PAH: variants seen among roughly 807,000 people sequenced by gnomAD.
PAH encodes the protein phenylalanine-4-hydroxylase.
In PAH, 64 loss-of-function variants were observed where a neutral mutation model predicts 62.0. The observed-to-expected ratio is 1.03, with a 90% confidence interval of 0.84 to 1.27. PAH has a LOEUF of 1.27. Among genes scored for constraint, PAH ranks in the 50% most tolerant of loss-of-function variants. PAH has a pLI of 0.00. For missense variants in PAH, 579 were observed against 542.8 expected, an observed-to-expected ratio of 1.07 and a Z score of -0.66; for synonymous variants, 195 against 196.2, an observed-to-expected ratio of 0.99 and a Z score of 0.05.
At chr12:102,951,568 G>C (rs534439788), upstream of PAH, among the ~76,000 whole-genome samples, 1 of 152,184 alleles carries the variant, frequency 6.6e-6, no homozygotes, top group African/African-American at 2.4e-5. Context: ...GGGCTGAGTA[G>C]CATGTTGGGT....
chr12:102,878,388 G>A (rs1252929156), intron 3 of PAH, among the ~76,000 whole-genome samples: 1 of 152,136 alleles, frequency 6.6e-6, no homozygotes, highest in East Asian at 1.9e-4. Context: ...CCAGTGTAGT[G>A]GGGAAGGGGT....
At chr12:102,951,306 G>T (rs1322022528), upstream of PAH, among the ~76,000 whole-genome samples, 1 of 152,196 alleles carries the variant, frequency 6.6e-6, no homozygotes, top group Non-Finnish European at 1.5e-5. Context: ...CTACCAGGGA[G>T]ACTCCTTACG....
At chr12:102,913,501 A>G (rs778424705) in intron 1 of PAH, among the ~76,000 whole-genome samples, 12 of 152,214 alleles carry the variant, frequency 7.9e-5, no homozygotes, top group Non-Finnish European at 1.3e-4. Flanking sequence ...CATCCGTGAA[A>G]GCATGCTAAT....
rs145552985 is a variant in PAH at position 102,840,883 on chromosome 12, C to T, written c.1200-368G>A. Among the ~76,000 whole-genome samples the T allele has an allele frequency of 8.3e-3, 1,262 of 152,172 alleles. 20 individuals carry two copies. Among genetic ancestry groups the T allele is most frequent in the African/African-American group, 0.029 (1,210 of 41,528 alleles). On this transcript the variant is annotated intron_variant, in intron 11 of 12. Coordinates refer to ENST00000553106, the MANE Select transcript of PAH (RefSeq NM_000277.3). ...AGAATGCTATATAGAGGGAAAAAAG[C>T]TCTGAAATGGTTGACAATCAATGCA...
intron 1 of PAH, 99 bp downstream of exon 1, chr12:102,916,972 A>T: frequency 9.4e-7 from 1 of 1,067,006 alleles, no homozygotes; most frequent in Non-Finnish European, 1.5e-6. Flanking sequence ...CAGACTTCTT[A>T]CTGAGCTTAT....
At chr12:102,955,508 TC>T (rs1776794212), upstream of PAH, among the ~76,000 whole-genome samples, 2 of 152,106 alleles carry the variant, frequency 1.3e-5, no homozygotes, top group Non-Finnish European at 2.9e-5. Context: ...AGAAAACACA[TC>T]TAGATGCTTC....
At position 102,875,070 on chromosome 12, in the gene PAH, A is replaced by C. The variant is rs577650816; in HGVS notation, c.441+2392T>G. 3.3e-5 allele frequency among the ~76,000 whole-genome samples: 5 copies of C among 152,332 alleles called. No homozygotes were observed. The East Asian group carries it at 9.6e-4, about 29-fold the overall frequency. On this transcript the variant is annotated intron_variant, in intron 4 of 12. Transcript: ENST00000553106. ...TGGGCCCCGGGGTCTCTGGGAAAGC[A>C]CGCTGGAGGGTTTGTTTTGTCCTTG...
intron 1 of PAH, among the ~76,000 whole-genome samples, chr12:102,956,609 C>T (rs1206577084): frequency 6.6e-6 from 1 of 152,300 alleles, no homozygotes; most frequent in Non-Finnish European, 1.5e-5. Flanking sequence ...CCCTAAGCGC[C>T]ATCACTCAAC....
At position 102,852,905 on chromosome 12, in the gene PAH, G is replaced by A. The variant is rs369646949; in HGVS notation, c.752C>T (p.Ser251Phe). 3.1e-6 allele frequency: 5 copies of A among 1,614,008 alleles called. No homozygotes were observed. In the African/African-American group the frequency reaches 4.0e-5, roughly 13 times the overall value. Residue 251 changes from serine to phenylalanine, a missense_variant, in exon 7 of 13, where the codon TCT becomes TTT. By Grantham distance (155) the Ser-to-Phe change is radical. Coordinates refer to ENST00000553106, the MANE Select transcript of PAH (RefSeq NM_000277.3). ...GGCCAGGCCACCCAAGAAATCCCGA[G>A]AGGAAAGCAGGCCAGCCACAGGTCG... ...RLRPVAGLLS[S>F]RDFLGGLAFR...
chr12:102,889,402 C>CATAGATAGATAG (rs10526127), intron 3 of PAH, among the ~76,000 whole-genome samples: 75 of 147,894 alleles, frequency 5.1e-4, no homozygotes, highest in Non-Finnish European at 7.8e-4. Flanking sequence ...TCCCAGACAA[C>CATAGATAGATAG]ATAGATAGAT....
At chr12:102,859,281 T>C (rs1243539915) in intron 5 of PAH, among the ~76,000 whole-genome samples, 1 of 152,132 alleles carries the variant, frequency 6.6e-6, no homozygotes, top group Non-Finnish European at 1.5e-5. Flanking sequence ...CAGGAAGAAG[T>C]TGAATCCCTG....
rs994141509 is a variant in PAH, at chr12:102,957,474, G to A, written c.-96+721C>T. 2.1e-5 allele frequency among the ~76,000 whole-genome samples: 3 copies of A among 141,060 alleles called. No individual in the cohort carries two copies. Among genetic ancestry groups the A allele is most frequent in the Non-Finnish European group, 3.1e-5 (2 of 65,034 alleles). 92.5% of individuals were successfully genotyped at this position (141,060 alleles called of 152,430 possible). A position where few individuals can be genotyped will look rare whatever the true frequency, so the allele number is the denominator to read the frequency against. On this transcript the variant is annotated intron_variant, in intron 1 of 4. Coordinates refer to the PAH transcript ENST00000551337. This position sits in a 1 kb window ranked among gnomAD's most constrained non-coding sequence, Gnocchi z 4.1. ...GCTGAATGGAGAGTTTGCAAGGAGC[G>A]GGAGAAAGGAACGGGAGGGGGGGAG...
rs548859416 is a variant in PAH, at chr12:102,839,578, G to A, written c.1316-360C>T. Reference sequence around the variant, plus strand: ...AGTATGGTTCACACAAAACTCTAGTGTCAGAATCACCTGAGGTCTATAAAC... The same window carrying A: ...AGTATGGTTCACACAAAACTCTAGTATCAGAATCACCTGAGGTCTATAAAC... On this transcript the variant is annotated intron_variant, in intron 12 of 12. Transcript: ENST00000553106. 3.9e-5 allele frequency among the ~76,000 whole-genome samples: 6 copies of A among 152,326 alleles called. No individual in the cohort carries two copies. The East Asian group carries it at 1.2e-3, about 29-fold the overall frequency.
intron 2 of PAH, among the ~76,000 whole-genome samples, chr12:102,911,317 C>T (rs1878194360): frequency 6.6e-6 from 1 of 152,112 alleles, no homozygotes; most frequent in South Asian, 2.1e-4. Flanking sequence ...GAAGAGACCC[C>T]ACGTTTTCAT....
At chr12:102,915,043 T>A (rs1878333279) in intron 1 of PAH, 1 of 152,298 alleles carries the variant, frequency 6.6e-6, no homozygotes, top group African/African-American at 2.4e-5. Context: ...GCAGTTTCTG[T>A]GGTACCGAAT....
chr12:102,922,349 A>G (rs1183390100), intron 1 of PAH, among the ~76,000 whole-genome samples: 1 of 152,036 alleles, frequency 6.6e-6, no homozygotes, highest in African/African-American at 2.4e-5. Flanking sequence ...GCGCACCACC[A>G]TGCCCAGCTA....
chr12:102,908,724 C>T (rs1456834606), intron 2 of PAH, among the ~76,000 whole-genome samples: 1 of 151,958 alleles, frequency 6.6e-6, no homozygotes, highest in African/African-American at 2.4e-5. Context: ...TATTGATGCA[C>T]GTTATAAACG....
intron 1 of PAH, among the ~76,000 whole-genome samples, chr12:102,941,951 T>A (rs935312080): frequency 1.3e-5 from 2 of 152,156 alleles, no homozygotes; most frequent in African/African-American, 4.8e-5. Context: ...GAGCCATCTA[T>A]GATGAATCCA....
At chr12:102,857,385 T>C (rs954571944) in intron 5 of PAH, among the ~76,000 whole-genome samples, 2 of 152,164 alleles carry the variant, frequency 1.3e-5, no homozygotes, top group African/African-American at 2.4e-5. Context: ...TGGAACCAAG[T>C]TGGAAAACAC....
Sources: gnomAD v4.1 joint callset for allele counts (sites outside exome capture counted in the v4.1 genomes callset) on GRCh38, gnomAD v4.1.1 for gene constraint, Gnocchi (gnomAD v3.1) non-coding constraint, MANE v1.5 for transcripts, NCBI Gene and HGNC (gene_info 2026-07-23, HGNC 2026-07-21) for gene names.